The following LDAH variants were observed in gnomAD, a reference collection of about 807,000 sequenced individuals.
The protein encoded by LDAH is lipid droplet-associated hydrolase.
LDAH carries 26 observed loss-of-function variants against 29.6 expected under a neutral mutation model. The observed-to-expected ratio is 0.88, with a 90% CI of 0.64 to 1.22. LDAH has a LOEUF of 1.22. Among genes scored for constraint, LDAH ranks in the 50% most tolerant of loss-of-function variants. LDAH has a pLI of 0.00. For missense variants in LDAH, 344 were observed against 387.3 expected, an observed-to-expected ratio of 0.89 and a Z score of 0.94; for synonymous variants, 117 against 133.0, an observed-to-expected ratio of 0.88 and a Z score of 0.83.
intron 4 of LDAH, among the ~76,000 whole-genome samples, chr2:20,770,477 C>T (rs1269189174): frequency 6.6e-6 from 1 of 152,078 alleles, no homozygotes; most frequent in African/African-American, 2.4e-5. Context: ...AACTCAACTC[C>T]CAAACTTGAA....
chr2:20,818,780 T>C (rs765796552), intron 1 of LDAH, among the ~76,000 whole-genome samples: 3 of 152,136 alleles, frequency 2.0e-5, no homozygotes, highest in Non-Finnish European at 4.4e-5. Context: ...CTTTGAAATA[T>C]TATATAACAC....
intron 4 of LDAH, among the ~76,000 whole-genome samples, chr2:20,749,967 C>T (rs1442159791): frequency 6.6e-6 from 1 of 151,980 alleles, no homozygotes; most frequent in Non-Finnish European, 1.5e-5. Context: ...ATGGTATCTC[C>T]CAGACTCAGC....
rs34621487 is a variant in LDAH, at chr2:20,702,312, T to G, written c.704-660A>C. Reference sequence around the variant, plus strand: ...GTACCCTGAATTCCATTTTGGCTGGTATTATTATTCTTATCTTGCTTTCTT... The same window carrying G: ...GTACCCTGAATTCCATTTTGGCTGGGATTATTATTCTTATCTTGCTTTCTT... On this transcript the variant is annotated intron_variant, in intron 5 of 6. Coordinates refer to ENST00000237822, the MANE Select transcript of LDAH (RefSeq NM_021925.4). Among the ~76,000 whole-genome samples, 324 of 152,306 alleles carry G rather than the reference T, an allele frequency of 2.1e-3. 5 individuals carry two copies. The highest frequency in any genetic ancestry group is 7.7e-3 in the South Asian group (37 of 4,824).
At chr2:20,772,178 T>G (rs1302237678) in intron 4 of LDAH, among the ~76,000 whole-genome samples, 1 of 152,176 alleles carries the variant, frequency 6.6e-6, no homozygotes. Flanking sequence ...ACACATCACA[T>G]GCAGAACAGA....
chr2:20,786,637 T>A (rs1670577318), intron 3 of LDAH, among the ~76,000 whole-genome samples: 1 of 152,178 alleles, frequency 6.6e-6, no homozygotes, highest in Non-Finnish European at 1.5e-5. Context: ...CCTATAGTTA[T>A]AATGAACTAT....
chr2:20,735,193 T>C (rs1666690318), intron 5 of LDAH, among the ~76,000 whole-genome samples: 2 of 152,206 alleles, frequency 1.3e-5, no homozygotes, highest in Admixed American at 1.3e-4. Context: ...TTTTTGACCA[T>C]TATTTCTTTG....
chr2:20,773,982 A>G (rs1447875044), intron 4 of LDAH, among the ~76,000 whole-genome samples: 1 of 152,208 alleles, frequency 6.6e-6, no homozygotes, highest in Non-Finnish European at 1.5e-5. Context: ...CTCCTCAAGC[A>G]GACTCCAGGC....
intron 4 of LDAH, among the ~76,000 whole-genome samples, chr2:20,746,453 T>C (rs953004944): frequency 6.6e-6 from 1 of 152,198 alleles, no homozygotes; most frequent in Admixed American, 6.5e-5. Flanking sequence ...AGTTCTAATA[T>C]GTACATTGAA....
Position 20,687,062 on chromosome 2 carries a change from C to T in LDAH, c.819G>A (p.Trp273Ter), listed in dbSNP as rs1662612524. The change falls in exon 7 of 7, where the codon TGG becomes TGA. Residue 273 changes from tryptophan to a stop codon, truncating the protein, a stop_gained. Transcript: ENST00000237822. LOFTEE classifies it high-confidence loss of function. ...LTFYYGTIDP[W>*]CPKEYYEDIK... ...TGTCTTCATAGTACTCTTTTGGACA[C>T]CAAGGATCTATAGTACCATAATAAA... The T allele has an allele frequency of 1.2e-6, 2 of 1,613,142 alleles. No homozygotes were observed. Among genetic ancestry groups the T allele is most frequent in the Admixed American group, 1.7e-5 (1 of 59,830 alleles).
intron 5 of LDAH, among the ~76,000 whole-genome samples, chr2:20,735,680 G>A (rs1403380198): frequency 6.6e-6 from 1 of 151,920 alleles, no homozygotes; most frequent in Admixed American, 6.6e-5. Context: ...TGAGTATTAT[G>A]TTATGAGATT....
intron 3 of LDAH, among the ~76,000 whole-genome samples, chr2:20,786,103 A>G (rs955291479): frequency 2.0e-5 from 3 of 152,188 alleles, no homozygotes; most frequent in Admixed American, 1.3e-4. Flanking sequence ...AAAGCTGGAC[A>G]TGATGTATTA....
chr2:20,784,760 G>A (rs940776604), intron 3 of LDAH, among the ~76,000 whole-genome samples: 4 of 151,902 alleles, frequency 2.6e-5, no homozygotes, highest in African/African-American at 7.3e-5. Flanking sequence ...AGTGGCACAC[G>A]TCTGTAGTCC....
At chr2:20,820,432 A>C (rs1673182034) in intron 1 of LDAH, among the ~76,000 whole-genome samples, 1 of 152,202 alleles carries the variant, frequency 6.6e-6, no homozygotes, top group African/African-American at 2.4e-5. Context: ...GATCAATGGA[A>C]CAGAACAGAG....
intron 6 of LDAH, among the ~76,000 whole-genome samples, chr2:20,699,446 T>C (rs893065003): frequency 6.6e-6 from 1 of 152,192 alleles, no homozygotes; most frequent in African/African-American, 2.4e-5. Context: ...CAATATTAAA[T>C]TACAGCATGT....
intron 5 of LDAH, among the ~76,000 whole-genome samples, chr2:20,727,994 G>A (rs1402377306): frequency 1.3e-5 from 2 of 152,136 alleles, no homozygotes; most frequent in Non-Finnish European, 2.9e-5. Context: ...CTACAGGAAA[G>A]GATGTGCCAT....
chr2:20,773,955 T>C (rs576123149), intron 4 of LDAH, among the ~76,000 whole-genome samples: 1 of 152,296 alleles, frequency 6.6e-6, no homozygotes, highest in South Asian at 2.1e-4. Flanking sequence ...AGGTATCACA[T>C]CTATTGGTTA....
intron 5 of LDAH, among the ~76,000 whole-genome samples, chr2:20,723,728 T>C (rs1308677965): frequency 6.6e-6 from 1 of 152,138 alleles, no homozygotes; most frequent in East Asian, 1.9e-4. Context: ...AGAAGTGTAA[T>C]TTCCTAAGTG....
intron 5 of LDAH, among the ~76,000 whole-genome samples, chr2:20,728,052 C>T: frequency 6.6e-6 from 1 of 152,104 alleles, no homozygotes; most frequent in African/African-American, 2.4e-5. Flanking sequence ...TATTTTGGTT[C>T]CTAGAATTTT....
chr2:20,701,576 T>C lies in LDAH; in HGVS notation c.780A>G (p.Leu260=). ...KRDDETIKEH[L]CKLTFYYGTI... is the part of the protein sequence containing the mutation. ...GCAGCACTAAAGTGATTACCTTACA[T>C]AAATGCTCCTTTATGGTTTCGTCAT... The change falls in exon 6 of 7, where the codon TTA becomes TTG. Residue 260 remains leucine (L), a synonymous_variant. Transcript: ENST00000237822. 1.2e-6 allele frequency: 2 copies of C among 1,613,960 alleles called. No individual in the cohort carries two copies. The highest frequency in any genetic ancestry group is 1.7e-6 in the Non-Finnish European group (2 of 1,179,868).
Sources: allele counts gnomAD v4.1 joint callset (sites outside exome capture counted in the v4.1 genomes callset), GRCh38; gene constraint gnomAD v4.1.1; transcripts MANE v1.5; gene names NCBI Gene and HGNC (gene_info 2026-07-23, HGNC 2026-07-21).